The following TENM3 variants were observed in gnomAD, a reference collection of about 807,000 sequenced individuals.
TENM3 encodes the protein teneurin transmembrane protein 3.
TENM3 carries 63 observed loss-of-function variants against 255.1 expected under a neutral mutation model. That is an observed-to-expected ratio of 0.25 (90% CI 0.20 to 0.30). The LOEUF (loss-of-function observed/expected upper bound fraction) is 0.30. TENM3 is among the 10% of genes least tolerant of loss of function. TENM3 has a pLI of 1.00. For synonymous variants in TENM3, 1,306 were observed against 1,322.3 expected, an observed-to-expected ratio of 0.99 and a Z score of 0.27; for missense variants, 2,929 against 3,461.1, an observed-to-expected ratio of 0.85 and a Z score of 3.86.
chr4:182,254,429 A>C (rs1172794430), intron 1 of TENM3, among the ~76,000 whole-genome samples: 1 of 152,162 alleles, frequency 6.6e-6, no homozygotes, highest in Non-Finnish European at 1.5e-5. Flanking sequence ...AATATTTCAC[A>C]AAAATATCAG....
At chr4:182,502,279 C>T (rs74577189) in intron 3 of TENM3, among the ~76,000 whole-genome samples, 163 of 152,220 alleles carry the variant, frequency 1.1e-3, no homozygotes, top group African/African-American at 3.7e-3. Flanking sequence ...ATGCTGGGGG[C>T]GGCAGAGGCG....
intron 22 of TENM3, among the ~76,000 whole-genome samples, chr4:182,757,111 G>A (rs1017182119): frequency 6.6e-6 from 1 of 152,026 alleles, no homozygotes; most frequent in Non-Finnish European, 1.5e-5. Context: ...AGGAGATCAA[G>A]ACCATCCTGG....
chr4:182,289,258 A>G (rs1283042180), intron 1 of TENM3, among the ~76,000 whole-genome samples: 3 of 152,214 alleles, frequency 2.0e-5, no homozygotes, highest in African/African-American at 7.2e-5. Flanking sequence ...TTATATTAAA[A>G]CGCATTTAGA....
At chr4:182,279,940 C>T (rs945671679) in intron 1 of TENM3, among the ~76,000 whole-genome samples, 9 of 152,170 alleles carry the variant, frequency 5.9e-5, no homozygotes, top group Non-Finnish European at 2.9e-5. Context: ...GAAACCCACA[C>T]GTTGCAGACA....
chr4:181,785,788 CTCTT>C, the TENM3 span, among the ~76,000 whole-genome samples: 1 of 150,666 alleles, frequency 6.6e-6, no homozygotes, highest in Non-Finnish European at 1.5e-5. Context: ...CTGTATCTTT[CTCTT>C]TTTCTGTCTT....
the TENM3 span, among the ~76,000 whole-genome samples, chr4:181,857,551 C>CAAAAAAAAAAAAAAAAA: frequency 1.9e-5 from 2 of 104,796 alleles, no homozygotes; most frequent in Admixed American, 8.6e-5. Flanking sequence ...CCTGTCTCTA[C>CAAAAAAAAAAAAAAAAA]AAAAAAAAAA....
intron 3 of TENM3, among the ~76,000 whole-genome samples, chr4:182,570,169 A>C (rs1744216867): frequency 6.6e-6 from 1 of 152,176 alleles, no homozygotes; most frequent in African/African-American, 2.4e-5. Flanking sequence ...AGGAACAGTA[A>C]AATTCAAGAG....
the TENM3 span, among the ~76,000 whole-genome samples, chr4:182,087,231 T>TAA: frequency 1.1e-4 from 17 of 152,188 alleles, no homozygotes; most frequent in Admixed American, 8.5e-4. Context: ...ACTTACTAAT[T>TAA]AAAAGAAGGG....
intron 3 of TENM3, among the ~76,000 whole-genome samples, chr4:182,591,009 T>C (rs1746591721): frequency 6.6e-6 from 1 of 152,158 alleles, no homozygotes; most frequent in African/African-American, 2.4e-5. Context: ...TAACCCAAAG[T>C]GTAAGTTCCA....
At position 182,677,374 on chromosome 4, in the gene TENM3, G is replaced by A. The variant is rs574313462; in HGVS notation, c.1327-2292G>A. Among the ~76,000 whole-genome samples the A allele has an allele frequency of 1.1e-3, 165 of 152,264 alleles. 1 individual carries two copies. Among genetic ancestry groups the A allele is most frequent in the African/African-American group, 3.6e-3 (149 of 41,566 alleles). ...GTTGTGCTTTTGCCTTGAAAGACCA[G>A]CTAAAACTCAAAATTCCTCCCGTTC... On this transcript the variant is annotated intron_variant, in intron 7 of 27. Coordinates refer to ENST00000511685, the MANE Select transcript of TENM3 (RefSeq NM_001080477.4).
chr4:181,489,666 T>C, the TENM3 span, among the ~76,000 whole-genome samples: 1 of 152,190 alleles, frequency 6.6e-6, no homozygotes, highest in Non-Finnish European at 1.5e-5. Context: ...CATGCATGTG[T>C]GTGTATAAAA....
chr4:182,179,859 T>C (rs1265677053), intron 1 of TENM3, among the ~76,000 whole-genome samples: 1 of 152,208 alleles, frequency 6.6e-6, no homozygotes, highest in African/African-American at 2.4e-5. Flanking sequence ...TTTATATTAG[T>C]TTAGAATATG....
rs79706949 is a variant in TENM3 at position 182,345,147 on chromosome 4, G to A, written c.233-1504G>A. 2.6e-3 allele frequency among the ~76,000 whole-genome samples: 403 copies of A among 152,124 alleles called. 1 individual carries two copies. Among genetic ancestry groups the A allele is most frequent in the Non-Finnish European group, 5.0e-3 (342 of 68,002 alleles). On this transcript the variant is annotated intron_variant, in intron 2 of 27. Coordinates refer to ENST00000511685, the MANE Select transcript of TENM3 (RefSeq NM_001080477.4). ...TGAGTGTCATTGTCGGAATCCATTTGGAAGTCTGACCGAGATAAAGCTGAT... is the reference window on the plus strand; with the variant it reads ...TGAGTGTCATTGTCGGAATCCATTTAGAAGTCTGACCGAGATAAAGCTGAT...
intron 3 of TENM3, among the ~76,000 whole-genome samples, chr4:182,424,518 T>C (rs527957680): frequency 6.6e-6 from 1 of 151,850 alleles, no homozygotes; most frequent in Non-Finnish European, 1.5e-5. Context: ...CCTATTTTTT[T>C]AAAAAAAATG....
At chr4:181,762,247 T>C in the TENM3 span, among the ~76,000 whole-genome samples, 1 of 152,236 alleles carries the variant, frequency 6.6e-6, no homozygotes, top group East Asian at 1.9e-4. Context: ...TGGGTAGCAG[T>C]AGAATGAGAC....
the TENM3 span, among the ~76,000 whole-genome samples, chr4:182,126,548 A>G: frequency 1.3e-5 from 2 of 152,274 alleles, no homozygotes; most frequent in South Asian, 4.1e-4. Context: ...GTGAAGCAAA[A>G]CATCTTCAAT....
the TENM3 span, among the ~76,000 whole-genome samples, chr4:181,528,659 G>A: frequency 6.6e-6 from 1 of 152,202 alleles, no homozygotes; most frequent in Non-Finnish European, 1.5e-5. Context: ...TAAGGAAAGT[G>A]AGGCTGAGGG....
At chr4:181,679,378 G>A in the TENM3 span, among the ~76,000 whole-genome samples, 1 of 131,852 alleles carries the variant, frequency 7.6e-6, no homozygotes, top group Admixed American at 7.4e-5. Context: ...ATTTAATTTG[G>A]CTTAAGTTTT....
chr4:182,754,551 A>G lies in TENM3; in HGVS notation c.4184A>G (p.Lys1395Arg), dbSNP rs1338267839. The G allele has an allele frequency of 4.3e-6, 7 of 1,614,000 alleles. No homozygotes were observed. The highest frequency in any genetic ancestry group is 1.3e-5 in the African/African-American group (1 of 75,064). Residue 1395 changes from lysine (K) to arginine (R), a missense_variant, in exon 22 of 28, where the codon AAG (lysine) becomes AGG (arginine). Lys to Arg is a conservative substitution (Grantham distance 26). Coordinates refer to ENST00000511685, the MANE Select transcript of TENM3 (RefSeq NM_001080477.4). This position sits in a 1 kb window ranked among gnomAD's most constrained non-coding sequence, Gnocchi z 5.1. ...CCCGGAGTGGAATATCCTGTGGGGA[A>G]GCACGCGGTGCAGACAACACTGGAA... Reference protein sequence around the residue: ...QVPGVEYPVGKHAVQTTLESA... With the variant: ...QVPGVEYPVGRHAVQTTLESA...
Sources: gnomAD v4.1 joint callset for allele counts (sites outside exome capture counted in the v4.1 genomes callset) on GRCh38, gnomAD v4.1.1 for gene constraint, Gnocchi (gnomAD v3.1) non-coding constraint, MANE v1.5 for transcripts, NCBI Gene and HGNC (gene_info 2026-07-23, HGNC 2026-07-21) for gene names.